UNC13C: variants seen among roughly 807,000 people sequenced by gnomAD.
UNC13C encodes protein unc-13 homolog C.
UNC13C carries 174 observed loss-of-function variants against 245.4 expected under a neutral mutation model. That is an observed-to-expected ratio of 0.71 (90% CI 0.63 to 0.80). UNC13C has a LOEUF of 0.80. UNC13C is among the 30% of genes least tolerant of loss of function. The pLI is 0.00. For synonymous variants in UNC13C, 992 were observed against 895.1 expected (o/e 1.11, Z -1.93); for missense variants, 2,829 against 2,602.9 (o/e 1.09, Z -1.89).
At chr15:54,505,673 A>G (rs949709658) in intron 22 of UNC13C, among the ~76,000 whole-genome samples, 1 of 151,984 alleles carries the variant, frequency 6.6e-6, no homozygotes, top group Admixed American at 6.6e-5. Flanking sequence ...TACATTGTAC[A>G]TTAGTAAAGA....
chr15:54,285,119 A>G lies in UNC13C; in HGVS notation c.3819-8776A>G, dbSNP rs190698101. 2.5e-3 allele frequency among the ~76,000 whole-genome samples: 380 copies of G among 152,296 alleles called. 8 individuals are homozygous for G. Among genetic ancestry groups the G allele is most frequent in the Admixed American group, 0.023 (345 of 15,280 alleles). On this transcript the variant is annotated intron_variant, in intron 10 of 32. Transcript: ENST00000260323. ...GCATGAACTCCTCTTTTCCTTTTCCAAAAGTCATGCTAATAATATAATTCC... is the reference window on the plus strand; with the variant it reads ...GCATGAACTCCTCTTTTCCTTTTCCGAAAGTCATGCTAATAATATAATTCC...
At chr15:53,943,844 T>C in the UNC13C span, among the ~76,000 whole-genome samples, 5 of 152,162 alleles carry the variant, frequency 3.3e-5, no homozygotes. Flanking sequence ...AAATTGGCCC[T>C]TTTATGACAT....
At chr15:54,446,759 T>C (rs1567279421) in intron 19 of UNC13C, among the ~76,000 whole-genome samples, 1 of 152,158 alleles carries the variant, frequency 6.6e-6, no homozygotes, top group Admixed American at 6.6e-5. Context: ...GACTTCCTCT[T>C]TTCCCAGTTG....
Position 54,143,642 on chromosome 15 carries a change from A to G in UNC13C, c.3029A>G (p.Asp1010Gly). Reference protein sequence around the residue: ...DEKARIVSGNDLDASKFSALQ... With the variant: ...DEKARIVSGNGLDASKFSALQ... The stretch of plus-strand genomic sequence containing the variant: ...AAGGCTCGAATAGTAAGTGGCAATG[A>G]TTTGGATGCTTCCAAATTTTCTGCA... The change falls in exon 4 of 33, where the codon GAT becomes GGT. Residue 1010 changes from aspartate to glycine, a missense_variant. Asp to Gly is a moderately conservative substitution (Grantham distance 94, BLOSUM62 -1). Coordinates refer to ENST00000260323, the MANE Select transcript of UNC13C (RefSeq NM_001080534.3). The G allele has an allele frequency of 6.2e-7, 1 of 1,613,370 alleles. No individual in the cohort carries two copies. Among genetic ancestry groups the G allele is most frequent in the Non-Finnish European group, 8.5e-7 (1 of 1,179,470 alleles).
At chr15:54,177,543 G>A (rs28569946) in intron 4 of UNC13C, among the ~76,000 whole-genome samples, 16,178 of 152,112 alleles carry the variant, frequency 0.11, 1,451 homozygotes, top group African/African-American at 0.24. Flanking sequence ...CCATAAACCA[G>A]TGGAAAGGAA....
At chr15:54,525,801 A>G (rs1392859808) in intron 25 of UNC13C, among the ~76,000 whole-genome samples, 164 bp downstream of exon 25, 1 of 152,158 alleles carries the variant, frequency 6.6e-6, no homozygotes, top group Admixed American at 6.5e-5. Flanking sequence ...CCACAATCTA[A>G]TAGTGCTATC....
At chr15:54,577,292 C>T (rs1897996893) in intron 30 of UNC13C, among the ~76,000 whole-genome samples, 1 of 152,112 alleles carries the variant, frequency 6.6e-6, no homozygotes. Context: ...ATGAAGTATG[C>T]CACTGTGCAC....
chr15:54,235,973 C>CA (rs2140830545), intron 5 of UNC13C, among the ~76,000 whole-genome samples: 1 of 150,768 alleles, frequency 6.6e-6, no homozygotes, highest in East Asian at 2.0e-4. Context: ...ATGCTGCAGC[C>CA]ACCTTGATAA....
chr15:54,044,148 C>A (rs1051574351), intron 2 of UNC13C, among the ~76,000 whole-genome samples: 11 of 152,112 alleles, frequency 7.2e-5, no homozygotes, highest in African/African-American at 1.9e-4. Context: ...CTTTTCTGAA[C>A]CTTTCATATA....
intron 19 of UNC13C, among the ~76,000 whole-genome samples, chr15:54,440,730 C>T (rs559788004): frequency 6.6e-6 from 1 of 152,166 alleles, no homozygotes; most frequent in African/African-American, 2.4e-5. Flanking sequence ...GGGGAAATCT[C>T]TATACTGTTT....
intron 4 of UNC13C, among the ~76,000 whole-genome samples, chr15:54,204,849 T>A (rs1027151736): frequency 4.6e-5 from 7 of 151,998 alleles, no homozygotes; most frequent in Non-Finnish European, 8.8e-5. Context: ...AAATCTTTTT[T>A]GAACTGAGTA....
chr15:54,430,827 C>G (rs914314288), intron 19 of UNC13C, among the ~76,000 whole-genome samples: 3 of 151,702 alleles, frequency 2.0e-5, no homozygotes, highest in Admixed American at 6.6e-5. Flanking sequence ...CTGGGAGGTT[C>G]TGGCATTTGA....
At chr15:54,369,198 C>G (rs12593034) in intron 17 of UNC13C, among the ~76,000 whole-genome samples, 3 of 149,614 alleles carry the variant, frequency 2.0e-5, no homozygotes, top group African/African-American at 5.0e-5. Flanking sequence ...ACCTCCCCCC[C>G]CCAAAAAAAA....
intron 14 of UNC13C, among the ~76,000 whole-genome samples, chr15:54,329,231 G>T (rs2038377945): frequency 6.6e-6 from 1 of 151,618 alleles, no homozygotes; most frequent in Non-Finnish European, 1.5e-5. Context: ...GATAAAATCG[G>T]AATAACTGGA....
chr15:54,073,184 G>A (rs558720944), intron 2 of UNC13C, among the ~76,000 whole-genome samples: 6 of 152,080 alleles, frequency 3.9e-5, no homozygotes, highest in African/African-American at 7.2e-5. Flanking sequence ...TTCCAGCTTC[G>A]TCCATGTCCC....
intron 5 of UNC13C, among the ~76,000 whole-genome samples, chr15:54,236,090 T>A (rs2140831127): frequency 6.6e-6 from 1 of 152,076 alleles, no homozygotes; most frequent in African/African-American, 2.4e-5. Context: ...TATGGGCATA[T>A]TTTTAATATT....
At chr15:54,172,719 T>TAAATATATATATAA (rs767017010) in intron 4 of UNC13C, among the ~76,000 whole-genome samples, 2 of 35,412 alleles carry the variant, frequency 5.6e-5, no homozygotes, top group Admixed American at 2.4e-4. Context: ...TATATATATA[T>TAAATATATATATAA]ATATATATAT....
intron 1 of UNC13C, among the ~76,000 whole-genome samples, chr15:53,981,248 A>G (rs927646603): frequency 6.6e-6 from 1 of 152,150 alleles, no homozygotes; most frequent in Non-Finnish European, 1.5e-5. Context: ...GTTTCAACAT[A>G]TATGTTTCTG....
chr15:54,212,150 A>C (rs1035275282), intron 4 of UNC13C, among the ~76,000 whole-genome samples: 2 of 152,186 alleles, frequency 1.3e-5, no homozygotes, highest in Admixed American at 1.3e-4. Flanking sequence ...GTTTACAAAC[A>C]AACTTGACAT....
Sources: gnomAD v4.1 joint callset for allele counts (sites outside exome capture counted in the v4.1 genomes callset) on GRCh38, gnomAD v4.1.1 for gene constraint, MANE v1.5 for transcripts, NCBI Gene and HGNC (gene_info 2026-07-23, HGNC 2026-07-21) for gene names.